OPCML: variants seen among roughly 807,000 people sequenced by gnomAD.
OPCML encodes the protein opioid-binding protein/cell adhesion molecule.
A neutral mutation model predicts 37.8 loss-of-function variants in OPCML; 13 were observed. The ratio of observed to expected loss-of-function variants is 0.34; its 90% CI spans 0.22 to 0.55. OPCML has a LOEUF of 0.55. OPCML is among the 20% of genes least tolerant of loss of function. The pLI is 0.91. For missense variants in OPCML, 341 were observed against 435.6 expected (o/e 0.78, Z 1.93); for synonymous variants, 176 against 168.8 (o/e 1.04, Z -0.33).
At chr11:133,222,209 G>A (rs1461573522) in intron 1 of OPCML, among the ~76,000 whole-genome samples, 1 of 152,194 alleles carries the variant, frequency 6.6e-6, no homozygotes, top group Non-Finnish European at 1.5e-5. Flanking sequence ...AGATGACCAG[G>A]TCACCATGTG....
At chr11:132,420,414 G>C (rs1361065190) in intron 7 of OPCML, 121 bp from the exon 8 acceptor site, 1 of 1,435,388 alleles carries the variant, frequency 7.0e-7, no homozygotes, top group Non-Finnish European at 9.1e-7. Context: ...ACCATTCCAA[G>C]TCTAAACAAA....
At chr11:132,555,096 G>A (rs1444497063) in intron 3 of OPCML, among the ~76,000 whole-genome samples, 2 of 151,946 alleles carry the variant, frequency 1.3e-5, no homozygotes, top group African/African-American at 4.8e-5. Context: ...GAGACAGTAG[G>A]GGAAGGATGC....
intron 2 of OPCML, among the ~76,000 whole-genome samples, chr11:132,918,049 T>G (rs917507087): frequency 6.6e-6 from 1 of 152,242 alleles, no homozygotes; most frequent in Non-Finnish European, 1.5e-5. Flanking sequence ...TTAGAGTTAG[T>G]TCTATGTCAC....
intron 7 of OPCML, among the ~76,000 whole-genome samples, chr11:132,433,805 C>A (rs1299260051): frequency 6.6e-6 from 1 of 152,214 alleles, no homozygotes; most frequent in Non-Finnish European, 1.5e-5. Flanking sequence ...GAGGACATAG[C>A]AGCTGTCTGC....
intron 1 of OPCML, among the ~76,000 whole-genome samples, chr11:133,141,890 C>G (rs1439246598): frequency 2.6e-5 from 4 of 152,204 alleles, no homozygotes; most frequent in African/African-American, 9.6e-5. Flanking sequence ...TTCTCACGCT[C>G]TGTCTCATCC....
At chr11:133,194,634 G>A (rs368268772) in intron 1 of OPCML, among the ~76,000 whole-genome samples, 1 of 152,116 alleles carries the variant, frequency 6.6e-6, no homozygotes, top group African/African-American at 2.4e-5. Flanking sequence ...TTCCATCTCC[G>A]ATACGTCCTT....
chr11:132,835,083 T>C (rs74346386), intron 2 of OPCML, among the ~76,000 whole-genome samples: 3,017 of 151,782 alleles, frequency 0.02, 41 homozygotes, highest in Middle Eastern at 0.042. Context: ...TTTCATCAGC[T>C]CCACAAAGGT....
intron 1 of OPCML, among the ~76,000 whole-genome samples, chr11:133,156,434 A>G (rs1950063519): frequency 6.6e-6 from 1 of 152,064 alleles, no homozygotes; most frequent in Admixed American, 6.6e-5. Flanking sequence ...ACCCTTCTCT[A>G]TGTTCCCAGA....
At chr11:132,908,732 T>C (rs1944325990) in intron 2 of OPCML, among the ~76,000 whole-genome samples, 1 of 152,238 alleles carries the variant, frequency 6.6e-6, no homozygotes, top group African/African-American at 2.4e-5. Context: ...ACATAGCGCA[T>C]TGATTTGTAC....
At chr11:132,492,441 G>C (rs2512697) in intron 4 of OPCML, among the ~76,000 whole-genome samples, 25,448 of 152,060 alleles carry the variant, frequency 0.17, 2,570 homozygotes, top group East Asian at 0.43. Flanking sequence ...GCGAGAGAAA[G>C]AGTGGAATCA....
intron 1 of OPCML, among the ~76,000 whole-genome samples, chr11:133,200,666 C>T (rs1042222610): frequency 1.3e-5 from 2 of 152,102 alleles, no homozygotes; most frequent in Admixed American, 1.3e-4. Context: ...TGTATGTTTG[C>T]CAAATTACAA....
chr11:133,514,707 G>C (rs775983938), intron 1 of OPCML, among the ~76,000 whole-genome samples: 3 of 152,114 alleles, frequency 2.0e-5, no homozygotes, highest in African/African-American at 7.2e-5. Context: ...GGTCTGCACT[G>C]TTATTTATAA....
At chr11:132,687,813 T>C (rs1453294197) in intron 2 of OPCML, among the ~76,000 whole-genome samples, 2 of 152,192 alleles carry the variant, frequency 1.3e-5, no homozygotes, top group African/African-American at 4.8e-5. Flanking sequence ...CTTTACTTTC[T>C]TTCTTTCTGC....
intron 3 of OPCML, among the ~76,000 whole-genome samples, chr11:132,586,001 A>G (rs1005882654): frequency 2.0e-5 from 3 of 152,102 alleles, no homozygotes; most frequent in African/African-American, 7.2e-5. Context: ...GCATCATTAC[A>G]CCTGCCTTCT....
At chr11:133,149,449 C>T (rs957256611) in intron 1 of OPCML, among the ~76,000 whole-genome samples, 3 of 152,182 alleles carry the variant, frequency 2.0e-5, no homozygotes, top group African/African-American at 7.2e-5. Flanking sequence ...CTAGGCTTCC[C>T]ACTTAAAGTA....
intron 1 of OPCML, among the ~76,000 whole-genome samples, chr11:133,179,594 AG>A (rs1303699483): frequency 2.0e-5 from 3 of 152,180 alleles, no homozygotes; most frequent in African/African-American, 4.8e-5. Flanking sequence ...GGATACTGAG[AG>A]GTCAAAGGAG....
chr11:133,501,633 G>A (rs934749666), intron 1 of OPCML, among the ~76,000 whole-genome samples: 2 of 151,998 alleles, frequency 1.3e-5, no homozygotes, highest in African/African-American at 4.8e-5. Context: ...CTACTTGGGG[G>A]AAGTCAGTCC....
intron 4 of OPCML, among the ~76,000 whole-genome samples, chr11:132,488,104 C>A (rs1010094050): frequency 6.6e-6 from 1 of 152,226 alleles, no homozygotes; most frequent in Non-Finnish European, 1.5e-5. Context: ...CATGCCTATG[C>A]AGCTGCTTAT....
intron 1 of OPCML, among the ~76,000 whole-genome samples, chr11:132,963,535 T>C (rs1591853530): frequency 6.7e-6 from 1 of 149,136 alleles, no homozygotes; most frequent in South Asian, 2.1e-4. Context: ...GAGGTTGCAG[T>C]GAGCCAAGAT....
Sources: allele counts gnomAD v4.1 joint callset (sites outside exome capture counted in the v4.1 genomes callset), GRCh38; gene constraint gnomAD v4.1.1; transcripts MANE v1.5; gene names NCBI Gene and HGNC (gene_info 2026-07-23, HGNC 2026-07-21).